DLGAP2: variants seen among roughly 807,000 people sequenced by gnomAD.
DLGAP2 encodes disks large-associated protein 2.
Under a neutral mutation model 100.3 loss-of-function variants are expected in DLGAP2, and 26 were observed. The observed-to-expected ratio is 0.26, with a 90% CI of 0.19 to 0.36. DLGAP2 has a LOEUF of 0.36. Among genes scored for constraint, DLGAP2 ranks in the 10% least tolerant of loss-of-function variants. The probability of loss-of-function intolerance (pLI) is 1.00; values close to 1 mark genes in which losing one functional copy is unlikely to be tolerated. For missense variants in DLGAP2, 1,858 were observed against 1,453.2 expected (o/e 1.28, Z -4.53); for synonymous variants, 886 against 630.1 (o/e 1.41, Z -6.08).
chr8:1,670,722 G>C (rs530639339), intron 10 of DLGAP2, among the ~76,000 whole-genome samples: 4 of 152,334 alleles, frequency 2.6e-5, no homozygotes, highest in African/African-American at 9.6e-5. Flanking sequence ...TGTGTTTTCT[G>C]TGCATCCTGT....
intron 3 of DLGAP2, among the ~76,000 whole-genome samples, chr8:1,447,191 C>G (rs1048894339): frequency 6.6e-6 from 1 of 152,174 alleles, no homozygotes; most frequent in Non-Finnish European, 1.5e-5. Context: ...GAGAATGTTT[C>G]CAGTTTTTGC....
intron 6 of DLGAP2, among the ~76,000 whole-genome samples, chr8:1,603,569 T>TG (rs1554507037): frequency 7.4e-5 from 9 of 121,326 alleles, no homozygotes; most frequent in South Asian, 3.2e-4. Context: ...GGGTGGAAGG[T>TG]GGGTCTCAGT....
intron 3 of DLGAP2, among the ~76,000 whole-genome samples, chr8:1,432,059 GCACCCAGCACCCCATGC>G (rs1188557915): frequency 1.3e-5 from 2 of 152,126 alleles, no homozygotes; most frequent in East Asian, 3.9e-4. Context: ...AACCCTGCCG[GCACCCAGCACCCCATGC>G]CAGCCAGCAC....
intron 8 of DLGAP2, among the ~76,000 whole-genome samples, chr8:1,662,182 G>A (rs191421352): frequency 8.3e-4 from 127 of 152,296 alleles, no homozygotes; most frequent in Non-Finnish European, 9.4e-4. Context: ...ACAAATATTC[G>A]AAGGCCTCTT....
At chr8:970,802 T>G (rs1002923482) in intron 2 of DLGAP2, among the ~76,000 whole-genome samples, 25 of 152,224 alleles carry the variant, frequency 1.6e-4, no homozygotes, top group Non-Finnish European at 2.6e-4. Flanking sequence ...TCTATGACCT[T>G]GATTTTAGCC....
At chr8:783,582 A>G (rs1821759170) in intron 1 of DLGAP2, among the ~76,000 whole-genome samples, 1 of 152,176 alleles carries the variant, frequency 6.6e-6, no homozygotes, top group Non-Finnish European at 1.5e-5. Flanking sequence ...GGGCTGTGAT[A>G]TGAGATGGTT....
intron 4 of DLGAP2, among the ~76,000 whole-genome samples, chr8:1,532,237 A>T (rs566771522): frequency 3.7e-4 from 56 of 152,262 alleles, no homozygotes; most frequent in African/African-American, 1.3e-3. Context: ...CTCTCACATA[A>T]CATGGGGGAG....
chr8:1,006,004 C>A (rs1801098347), intron 2 of DLGAP2, among the ~76,000 whole-genome samples: 1 of 152,220 alleles, frequency 6.6e-6, no homozygotes, highest in Admixed American at 6.5e-5. Flanking sequence ...TCCTGGCCAA[C>A]ATGGTGAAAC....
At chr8:946,386 C>G (rs942861333) in intron 2 of DLGAP2, among the ~76,000 whole-genome samples, 26 of 151,958 alleles carry the variant, frequency 1.7e-4, no homozygotes, top group South Asian at 4.2e-4. Context: ...GCCTCAGACT[C>G]CCGAGTGTCT....
intron 3 of DLGAP2, among the ~76,000 whole-genome samples, chr8:1,412,486 G>T (rs1471911413): frequency 6.6e-6 from 1 of 152,200 alleles, no homozygotes; most frequent in South Asian, 2.1e-4. Context: ...ATATCCCACT[G>T]CTGCTACTTG....
chr8:945,957 G>C (rs1799308773), intron 2 of DLGAP2, among the ~76,000 whole-genome samples: 1 of 152,036 alleles, frequency 6.6e-6, no homozygotes, highest in Non-Finnish European at 1.5e-5. Flanking sequence ...ATCTTCTCCT[G>C]TGCCCTTTTA....
At chr8:852,083 C>T (rs1357747711) in intron 1 of DLGAP2, among the ~76,000 whole-genome samples, 1 of 152,100 alleles carries the variant, frequency 6.6e-6, no homozygotes, top group Non-Finnish European at 1.5e-5. Context: ...TGAGAATTGG[C>T]TTTGGTGTAA....
intron 5 of DLGAP2, among the ~76,000 whole-genome samples, chr8:1,553,798 G>A (rs551217319): frequency 1.1e-4 from 16 of 152,306 alleles, no homozygotes; most frequent in African/African-American, 3.6e-4. Flanking sequence ...CTGTTTTGTA[G>A]GCCGTGCAGA....
intron 2 of DLGAP2, among the ~76,000 whole-genome samples, chr8:1,228,075 T>C (rs1285655197): frequency 6.6e-6 from 1 of 151,886 alleles, no homozygotes; most frequent in Non-Finnish European, 1.5e-5. Context: ...CTGGGGCCTG[T>C]TGTGGGGTGG....
chr8:1,080,918 G>A (rs1022479862), intron 2 of DLGAP2, among the ~76,000 whole-genome samples: 1 of 152,112 alleles, frequency 6.6e-6, no homozygotes, highest in Admixed American at 6.5e-5. Context: ...TACATATCTA[G>A]CACTAAAATA....
chr8:1,546,946 C>T (rs535519732), intron 4 of DLGAP2, among the ~76,000 whole-genome samples: 10 of 152,248 alleles, frequency 6.6e-5, no homozygotes, highest in African/African-American at 2.2e-4. Context: ...GAGACGGCCA[C>T]GCTCAGCCGT....
At chr8:853,680 G>A (rs1470776877) in intron 1 of DLGAP2, among the ~76,000 whole-genome samples, 2 of 152,216 alleles carry the variant, frequency 1.3e-5, no homozygotes, top group South Asian at 2.1e-4. Flanking sequence ...CAGCCACACC[G>A]CCCCGTGCAC....
intron 8 of DLGAP2, among the ~76,000 whole-genome samples, chr8:1,653,690 CGG>C (rs1798219210): frequency 3.1e-5 from 2 of 65,186 alleles, no homozygotes; most frequent in Non-Finnish European, 3.4e-5. Context: ...ACTGCAGGGG[CGG>C]ACTCCTGTAT....
chr8:1,506,863 T>C (rs1799938170), intron 4 of DLGAP2, among the ~76,000 whole-genome samples: 1 of 152,000 alleles, frequency 6.6e-6, no homozygotes, highest in Non-Finnish European at 1.5e-5. Flanking sequence ...ACACAGAGCA[T>C]AGATTGGTGC....
Sources: allele counts gnomAD v4.1 joint callset (sites outside exome capture counted in the v4.1 genomes callset), GRCh38; gene constraint gnomAD v4.1.1; transcripts MANE v1.5; gene names NCBI Gene and HGNC (gene_info 2026-07-23, HGNC 2026-07-21).